Variants in PER2 observed in about 807,000 individuals in gnomAD.
PER2 encodes the protein period circadian regulator 2.
A neutral mutation model predicts 121.0 loss-of-function variants in PER2; 66 were observed. That is an observed-to-expected ratio of 0.55 (90% CI 0.45 to 0.67). The LOEUF (loss-of-function observed/expected upper bound fraction) is 0.67, where lower values mean the gene tolerates loss of function less well. PER2 is among the 30% of genes least tolerant of loss of function. PER2 has a pLI of 0.00. For missense variants in PER2, 1,521 were observed against 1,635.0 expected (o/e 0.93, Z 1.20); for synonymous variants, 684 against 659.9 (o/e 1.04, Z -0.56).
At chr2:238,261,546 G>A (rs1008825212) in intron 12 of PER2, 183 bp downstream of exon 12, 2 of 640,300 alleles carry the variant, frequency 3.1e-6, no homozygotes, top group South Asian at 3.4e-5. Flanking sequence ...GAGAGCCAAG[G>A]GTACTATGGA....
At chr2:238,281,152 C>T (rs994265309) in intron 1 of PER2, among the ~76,000 whole-genome samples, 2 of 152,078 alleles carry the variant, frequency 1.3e-5, no homozygotes, top group East Asian at 3.9e-4. Flanking sequence ...TACAGGTGTC[C>T]GCCACCACGC....
At chr2:238,273,726 C>T (rs1057100751) in intron 4 of PER2, among the ~76,000 whole-genome samples, 6 of 152,102 alleles carry the variant, frequency 3.9e-5, no homozygotes, top group Admixed American at 1.3e-4. Context: ...AGTGCAGTGG[C>T]ACGATCTCAG....
rs1305610578 is a variant in PER2 at position 238,268,665 on chromosome 2, G to A, written c.824+258C>T. Reference sequence around the variant, plus strand: ...TGCTTTCAGAAACTCTGTCGACCCTGGGGTACAGGCCTTTGCAAGACACAG... The same window carrying A: ...TGCTTTCAGAAACTCTGTCGACCCTAGGGTACAGGCCTTTGCAAGACACAG... On this transcript the variant is annotated intron_variant, in intron 7 of 22. Coordinates refer to ENST00000254657, the MANE Select transcript of PER2 (RefSeq NM_022817.3). The surrounding 1 kb of genome is among the most constrained non-coding windows in gnomAD (Gnocchi z 4.0). Among the ~76,000 whole-genome samples, 1 of 152,178 alleles carries A rather than the reference G, an allele frequency of 6.6e-6. No individual in the cohort carries two copies. Among genetic ancestry groups the A allele is most frequent in the East Asian group, 1.9e-4 (1 of 5,194 alleles).
intron 1 of PER2, among the ~76,000 whole-genome samples, chr2:238,281,593 C>A (rs536817358): frequency 3.9e-5 from 6 of 152,288 alleles, no homozygotes; most frequent in African/African-American, 1.4e-4. Context: ...ACTGCCTAGG[C>A]CATTCCCACA....
rs1177880294 is a variant in PER2 at position 238,252,127 on chromosome 2, G to A, written c.3112-366C>T. On this transcript the variant is annotated intron_variant, in intron 19 of 22. Transcript: ENST00000254657. The surrounding 1 kb of genome is among the most constrained non-coding windows in gnomAD (Gnocchi z 4.2). ...GCCTCTCACAGCACCCGGTGTGGGG[G>A]CTGCCTTGGGATTGAGGGCGGGGCC... 6.6e-6 allele frequency among the ~76,000 whole-genome samples: 1 copy of A among 152,234 alleles called. No individual in the cohort carries two copies. Among genetic ancestry groups the A allele is most frequent in the Non-Finnish European group, 1.5e-5 (1 of 68,046 alleles).
At chr2:238,266,186 A>C (rs753039407) in intron 8 of PER2, among the ~76,000 whole-genome samples, 1 of 152,044 alleles carries the variant, frequency 6.6e-6, no homozygotes, top group Admixed American at 6.6e-5. Context: ...TACAGGCGTG[A>C]GCCACTGCGC....
intron 9 of PER2, among the ~76,000 whole-genome samples, chr2:238,264,914 A>G (rs892089538): frequency 1.3e-5 from 2 of 152,226 alleles, no homozygotes; most frequent in African/African-American, 2.4e-5. Flanking sequence ...TGCTAGGATT[A>G]TAAGTGTGAG....
chr2:238,286,469 G>A (rs1400615843), intron 1 of PER2, among the ~76,000 whole-genome samples: 10 of 152,094 alleles, frequency 6.6e-5, no homozygotes, highest in East Asian at 1.9e-4. Flanking sequence ...TGTACACGAT[G>A]AGCATAATGA....
intron 10 of PER2, 142 bp from the exon 11 acceptor site, chr2:238,262,486 C>G: frequency 1.3e-6 from 1 of 752,956 alleles, no homozygotes; most frequent in Non-Finnish European, 2.2e-6. Flanking sequence ...CCACTGCTTT[C>G]AACCTCCTGT....
At chr2:238,267,247 GACC>G (rs1422167580) in intron 8 of PER2, among the ~76,000 whole-genome samples, 1 of 152,290 alleles carries the variant, frequency 6.6e-6, no homozygotes, top group East Asian at 1.9e-4. Context: ...CCAATACAAG[GACC>G]AAGGTGCCAC....
At chr2:238,251,241 C>G (rs1559321977) in intron 20 of PER2, among the ~76,000 whole-genome samples, 1 of 152,226 alleles carries the variant, frequency 6.6e-6, no homozygotes, top group Non-Finnish European at 1.5e-5. Flanking sequence ...TGTGAAAGAT[C>G]CCAGCGGGTA....
the PER2 span, among the ~76,000 whole-genome samples, chr2:238,297,961 C>T: frequency 6.6e-6 from 1 of 152,022 alleles, no homozygotes; most frequent in Admixed American, 6.6e-5. Flanking sequence ...GGATGCCTCA[C>T]CTTGCCTTTT....
chr2:238,273,270 G>A, intron 4 of PER2, 79 bp from the exon 5 acceptor site: 2 of 1,439,294 alleles, frequency 1.4e-6, no homozygotes, highest in Non-Finnish European at 1.9e-6. Flanking sequence ...TACAAACTGA[G>A]GGCTCTACTT....
At chr2:238,272,382 G>A (rs1382614022) in intron 5 of PER2, among the ~76,000 whole-genome samples, 2 of 152,226 alleles carry the variant, frequency 1.3e-5, no homozygotes, top group Non-Finnish European at 2.9e-5. Context: ...GCTTCCTGGG[G>A]AGGAGAGGCC....
intron 22 of PER2, among the ~76,000 whole-genome samples, chr2:238,246,832 C>T (rs545651048): frequency 5.9e-5 from 9 of 152,310 alleles, no homozygotes; most frequent in South Asian, 4.1e-4. Flanking sequence ...GCGGAGATCA[C>T]GCTACTGTGC....
rs1416424625 is a variant in PER2 at position 238,277,961 on chromosome 2, A to G, written c.-19-6T>C. On this transcript the variant is annotated splice_polypyrimidine_tract_variant and splice_region_variant and intron_variant, in intron 1 of 22. Transcript: ENST00000254657. ...TGCTGGGCTCTGGAACGAAGCTGGC[A>G]AACAGAGGGATGCTGTCACGCATTA... is the stretch of plus-strand genomic sequence containing the variant. 1 of 1,610,406 alleles carries G rather than the reference A, an allele frequency of 6.2e-7. No individual in the cohort carries two copies. The highest frequency in any genetic ancestry group is 8.5e-7 in the Non-Finnish European group (1 of 1,179,004).
chr2:238,276,241 G>A (rs1696451846), intron 3 of PER2, among the ~76,000 whole-genome samples: 2 of 152,194 alleles, frequency 1.3e-5, no homozygotes, highest in African/African-American at 4.8e-5. Context: ...CAGCATCCCT[G>A]GCCTCACCCA....
In PER2 at chr2:238,266,050, T is replaced by C. The variant is rs184802536; in HGVS notation, c.968-460A>G. Among the ~76,000 whole-genome samples the C allele has an allele frequency of 5.8e-4, 89 of 152,156 alleles. 1 individual carries two copies. The highest frequency in any genetic ancestry group is 1.7e-3 in the African/African-American group (69 of 41,498). ...TCTCCAGTAGTTGGGACTACAGGCG[T>C]GTGCCACCACGCCCAGCTAATTTTT... On this transcript the variant is annotated intron_variant, in intron 8 of 22. Coordinates refer to ENST00000254657, the MANE Select transcript of PER2 (RefSeq NM_022817.3).
At chr2:238,258,446 G>A (rs1695827695) in intron 15 of PER2, 46 bp from the exon 16 acceptor site, 1 of 1,613,984 alleles carries the variant, frequency 6.2e-7, no homozygotes, top group Admixed American at 1.7e-5. Flanking sequence ...CAACATGAGA[G>A]GAGGGAAGGT....
Sources: gnomAD v4.1 joint callset for allele counts (sites outside exome capture counted in the v4.1 genomes callset) on GRCh38, gnomAD v4.1.1 for gene constraint, Gnocchi (gnomAD v3.1) non-coding constraint, MANE v1.5 for transcripts, NCBI Gene and HGNC (gene_info 2026-07-23, HGNC 2026-07-21) for gene names.